Variants in MELK observed in about 807,000 individuals in gnomAD.
The protein encoded by MELK is pEg3 kinase.
In MELK, 81 loss-of-function variants were observed where a neutral mutation model predicts 85.0. That is an observed-to-expected ratio of 0.95 (90% CI 0.80 to 1.15). The LOEUF (loss-of-function observed/expected upper bound fraction) is 1.15, where lower values mean the gene tolerates loss of function less well. MELK is among the 50% of genes most tolerant of loss of function. The pLI is 0.00. For missense variants in MELK, 754 were observed against 777.5 expected, an observed-to-expected ratio of 0.97 and a Z score of 0.36; for synonymous variants, 252 against 265.0, an observed-to-expected ratio of 0.95 and a Z score of 0.48.
intron 12 of MELK, among the ~76,000 whole-genome samples, chr9:36,654,237 A>G (rs768542671): frequency 2.0e-5 from 3 of 152,076 alleles, no homozygotes; most frequent in Admixed American, 6.5e-5. Flanking sequence ...AATTGGAGAA[A>G]GCTATTAGAT....
At chr9:36,649,748 G>A (rs540559462) in intron 11 of MELK, among the ~76,000 whole-genome samples, 4 of 151,920 alleles carry the variant, frequency 2.6e-5, no homozygotes, top group Non-Finnish European at 5.9e-5. Flanking sequence ...CAGCCTGGGC[G>A]ATAGAGCGAG....
At chr9:36,574,699 A>G (rs1318718067) in intron 1 of MELK, among the ~76,000 whole-genome samples, 1 of 152,220 alleles carries the variant, frequency 6.6e-6, no homozygotes, top group Non-Finnish European at 1.5e-5. Flanking sequence ...CTCTGTAGAT[A>G]AGGTAAATGT....
intron 5 of MELK, among the ~76,000 whole-genome samples, chr9:36,595,605 GTTT>G (rs60428796): frequency 3.3e-4 from 41 of 122,684 alleles, no homozygotes; most frequent in African/African-American, 5.7e-4. Flanking sequence ...TAAATGTCTT[GTTT>G]TTTTTTTTTT....
intron 12 of MELK, among the ~76,000 whole-genome samples, chr9:36,652,920 A>G (rs1322676375): frequency 6.6e-6 from 1 of 152,080 alleles, no homozygotes; most frequent in East Asian, 1.9e-4. Context: ...ATTGCAGAGA[A>G]CAAAAAAATT....
intron 14 of MELK, among the ~76,000 whole-genome samples, chr9:36,668,764 C>T (rs542813684): frequency 6.6e-6 from 1 of 152,276 alleles, no homozygotes; most frequent in East Asian, 1.9e-4. Context: ...CCGCCCTCCT[C>T]GGCCTCCCAA....
intron 12 of MELK, among the ~76,000 whole-genome samples, chr9:36,656,217 C>T (rs183169748): frequency 5.3e-5 from 8 of 152,240 alleles, no homozygotes; most frequent in South Asian, 2.1e-4. Context: ...TATTCACTAC[C>T]CTGTATATTC....
intron 6 of MELK, among the ~76,000 whole-genome samples, chr9:36,598,725 AT>A (rs1327592822): frequency 1.3e-5 from 2 of 152,106 alleles, no homozygotes; most frequent in Non-Finnish European, 2.9e-5. Context: ...CAGTAAATAA[AT>A]TTTTCCCCCC....
intron 12 of MELK, among the ~76,000 whole-genome samples, chr9:36,655,655 CAG>C (rs1387515411): frequency 2.0e-5 from 3 of 152,134 alleles, no homozygotes; most frequent in African/African-American, 4.8e-5. Flanking sequence ...ATTGTTTAGT[CAG>C]GGGTGATATG....
At position 36,657,289 on chromosome 9, in the gene MELK, G is replaced by A; in HGVS notation, c.1102G>A (p.Val368Met). The change falls in exon 13 of 18, where the codon GTG becomes ATG. Residue 368 changes from valine (V) to methionine (M), a missense_variant. Physicochemically the swap from Val to Met is conservative, Grantham distance 21. Coordinates refer to ENST00000298048, the MANE Select transcript of MELK (RefSeq NM_014791.4). ...EDVTASDKNY[V>M]AGLIDYDWCE... ...TGTGACCGCAAGTGATAAAAATTAT[G>A]TGGCGGGATTAATAGACTATGATTG... 2 of 1,613,660 alleles carry A rather than the reference G, an allele frequency of 1.2e-6. No homozygotes were observed. The highest frequency in any genetic ancestry group is 1.3e-5 in the African/African-American group (1 of 75,044).
intron 14 of MELK, among the ~76,000 whole-genome samples, chr9:36,666,029 G>A (rs531774878): frequency 3.6e-4 from 55 of 152,286 alleles, no homozygotes; most frequent in Middle Eastern, 3.4e-3. Context: ...CAGTTGTGGT[G>A]TCTGGTCCTG....
At chr9:36,672,180 T>C (rs564106351) in intron 16 of MELK, among the ~76,000 whole-genome samples, 2 of 152,206 alleles carry the variant, frequency 1.3e-5, no homozygotes, top group Non-Finnish European at 2.9e-5. Context: ...TGGAAGAAGA[T>C]AGGAGTTATC....
chr9:36,674,552 G>A (rs1833172699), intron 16 of MELK, among the ~76,000 whole-genome samples: 1 of 152,148 alleles, frequency 6.6e-6, no homozygotes, highest in African/African-American at 2.4e-5. Context: ...TTAGATGGGT[G>A]CTCTTTAATA....
chr9:36,576,146 G>A (rs796139487), intron 1 of MELK, among the ~76,000 whole-genome samples: 8 of 152,236 alleles, frequency 5.3e-5, no homozygotes, highest in African/African-American at 1.4e-4. Context: ...GAATAAATTT[G>A]TCCTCTGTGA....
intron 14 of MELK, among the ~76,000 whole-genome samples, chr9:36,667,136 T>C (rs1836117036): frequency 6.6e-6 from 1 of 151,370 alleles, no homozygotes; most frequent in Non-Finnish European, 1.5e-5. Flanking sequence ...TCAACGATCT[T>C]TTTTTTCCCC....
chr9:36,672,668 A>T (rs533824187), intron 16 of MELK, among the ~76,000 whole-genome samples: 33 of 152,328 alleles, frequency 2.2e-4, no homozygotes, highest in African/African-American at 6.5e-4. Context: ...CAGTGTCTTC[A>T]TTTGTAAAAT....
chr9:36,633,060 A>G, intron 9 of MELK, 42 bp from the exon 10 acceptor site: 1 of 1,373,580 alleles, frequency 7.3e-7, no homozygotes, highest in African/African-American at 1.4e-5. Flanking sequence ...TATGTTCTCT[A>G]TTTGAAATGT....
chr9:36,607,035 T>C (rs1013439615), intron 7 of MELK: 2 of 152,668 alleles, frequency 1.3e-5, no homozygotes, highest in Non-Finnish European at 2.9e-5. Flanking sequence ...TCCACCCGTC[T>C]TGGCCTCCCA....
chr9:36,595,900 C>T (rs1824169792), intron 5 of MELK, among the ~76,000 whole-genome samples: 1 of 152,174 alleles, frequency 6.6e-6, no homozygotes, highest in Non-Finnish European at 1.5e-5. Context: ...ACTGCAACCT[C>T]TGCCTCTCAG....
At chr9:36,642,269 T>A (rs147817801) in intron 10 of MELK, among the ~76,000 whole-genome samples, 1 of 152,302 alleles carries the variant, frequency 6.6e-6, no homozygotes, top group Admixed American at 6.5e-5. Context: ...TGAGGTACCC[T>A]GTGCTCTACA....
Sources: gnomAD v4.1 joint callset for allele counts (sites outside exome capture counted in the v4.1 genomes callset) on GRCh38, gnomAD v4.1.1 for gene constraint, MANE v1.5 for transcripts, NCBI Gene and HGNC (gene_info 2026-07-23, HGNC 2026-07-21) for gene names.